The following BTD variants were observed in gnomAD, a reference collection of about 807,000 sequenced individuals.
BTD encodes biocytinase.
BTD carries 13 observed loss-of-function variants against 17.7 expected under a neutral mutation model. The ratio of observed to expected loss-of-function variants is 0.74; its 90% CI spans 0.48 to 1.17. BTD has a LOEUF of 1.17. Ranked by LOEUF, BTD falls within the 50% of genes most tolerant of loss-of-function variation. The pLI is 0.00. For missense variants in BTD, 674 were observed against 650.4 expected (o/e 1.04, Z -0.39); for synonymous variants, 240 against 245.2 (o/e 0.98, Z 0.20).
At chr3:15,718,639 C>T (rs1382225945) in intron 4 of BTD, among the ~76,000 whole-genome samples, 2 of 151,700 alleles carry the variant, frequency 1.3e-5, no homozygotes, top group African/African-American at 2.4e-5. Context: ...GTGCATAAAA[C>T]AGGAAGCCCA....
At chr3:15,665,703 C>T (rs770258490) in intron 3 of BTD, among the ~76,000 whole-genome samples, 2 of 152,186 alleles carry the variant, frequency 1.3e-5, no homozygotes, top group African/African-American at 2.4e-5. Context: ...GGAGGTAGGG[C>T]GTGGCCACGA....
chr3:15,601,842 A>G lies in BTD; in HGVS notation c.-69A>G. 6.2e-7 allele frequency: 1 copy of G among 1,614,140 alleles called. No homozygotes were observed. The highest frequency in any genetic ancestry group is 8.5e-7 in the Non-Finnish European group (1 of 1,180,034). On this transcript the variant is annotated 5_prime_UTR_variant, in exon 1 of 4. Coordinates refer to ENST00000643237, the MANE Select transcript of BTD (RefSeq NM_001370658.1). The stretch of plus-strand genomic sequence containing the variant: ...CCAGCTGGAGCGTTTTCGGGGCTGT[A>G]AAGGGAGAATGGCGCATGCGCATAT...
chr3:15,683,185 A>T (rs914806441), intron 3 of BTD, among the ~76,000 whole-genome samples: 5 of 152,094 alleles, frequency 3.3e-5, no homozygotes, highest in African/African-American at 1.2e-4. Context: ...GTTAATCTTC[A>T]GGGATATATT....
Position 15,644,941 on chromosome 3 carries a change from TA to T in BTD, c.1030del (p.Ile344PhefsTer25). 1 of 1,614,128 alleles carries T rather than the reference TA, an allele frequency of 6.2e-7. No individual in the cohort carries two copies. The highest frequency in any genetic ancestry group is 8.5e-7 in the Non-Finnish European group (1 of 1,180,020). On this transcript the variant is annotated frameshift_variant, in exon 4 of 4. Coordinates refer to ENST00000643237, the MANE Select transcript of BTD (RefSeq NM_001370658.1). LOFTEE classifies it low-confidence loss of function (END_TRUNC). Reference sequence around the variant, plus strand: ...ACGGACCCATCCCATAGTAAGTTTTTAAAAATTTTGTCAGGCGATCCGTACT... The same window carrying T: ...ACGGACCCATCCCATAGTAAGTTTTTAAAATTTTGTCAGGCGATCCGTACT... The part of the protein sequence containing the change: ...GETDPSHSKF[L>X]KILSGDPYCE...
intron 3 of BTD, among the ~76,000 whole-genome samples, chr3:15,664,273 G>A (rs941243441): frequency 6.6e-6 from 1 of 152,146 alleles, no homozygotes; most frequent in African/African-American, 2.4e-5. Flanking sequence ...CAGTTCTACC[G>A]GTTTTTGCCT....
chr3:15,651,823 A>T lies in BTD; in HGVS notation c.*6335A>T, dbSNP rs550194810. 6.6e-6 allele frequency among the ~76,000 whole-genome samples: 1 copy of T among 152,294 alleles called. No homozygotes were observed. Among genetic ancestry groups the T allele is most frequent in the East Asian group, 1.9e-4 (1 of 5,192 alleles). Reference sequence around the variant, plus strand: ...TCCAGAACATTCTGCAAGCTCATGGACCAGTTCATTTGAGAAGAAATAGAG... The same window carrying T: ...TCCAGAACATTCTGCAAGCTCATGGTCCAGTTCATTTGAGAAGAAATAGAG... On this transcript the variant is annotated 3_prime_UTR_variant, in exon 4 of 4. Coordinates refer to ENST00000643237, the MANE Select transcript of BTD (RefSeq NM_001370658.1).
intron 3 of BTD, chr3:15,668,141 G>A (rs1308317934): frequency 6.6e-6 from 1 of 152,198 alleles, no homozygotes; most frequent in Non-Finnish European, 1.5e-5. Context: ...CAACTGAATG[G>A]ACTGCTTGGT....
intron 2 of BTD, among the ~76,000 whole-genome samples, chr3:15,637,890 G>A (rs998156802): frequency 1.3e-5 from 2 of 152,154 alleles, no homozygotes; most frequent in African/African-American, 4.8e-5. Flanking sequence ...CGGTTTTGTT[G>A]AAACCACGCC....
intron 3 of BTD, among the ~76,000 whole-genome samples, chr3:15,664,824 C>G (rs2065961076): frequency 6.6e-6 from 1 of 151,652 alleles, no homozygotes. Flanking sequence ...CACATGGACA[C>G]AAAGAGGGGA....
chr3:15,629,735 GTCATTA>G (rs2065157547), intron 1 of BTD, among the ~76,000 whole-genome samples: 1 of 152,074 alleles, frequency 6.6e-6, no homozygotes, highest in South Asian at 2.1e-4. Flanking sequence ...CTCCGCAGTG[GTCATTA>G]AAGCTTGACC....
chr3:15,676,727 T>A (rs2066978177), intron 3 of BTD: 2 of 333,698 alleles, frequency 6.0e-6, no homozygotes, highest in Admixed American at 4.5e-5. Context: ...GAAAATTAGG[T>A]AGGTGGATTA....
chr3:15,678,926 T>C (rs371895512), intron 3 of BTD, among the ~76,000 whole-genome samples: 1 of 152,206 alleles, frequency 6.6e-6, no homozygotes, highest in Admixed American at 6.5e-5. Flanking sequence ...CTGTAAATTC[T>C]CTCACACCAG....
At chr3:15,720,668 G>A (rs951053301) in intron 4 of BTD, among the ~76,000 whole-genome samples, 1 of 151,950 alleles carries the variant, frequency 6.6e-6, no homozygotes, top group African/African-American at 2.4e-5. Flanking sequence ...AATAATTGTT[G>A]TGATTTTTTT....
intron 3 of BTD, among the ~76,000 whole-genome samples, chr3:15,674,781 A>C (rs545427129): frequency 4.6e-5 from 7 of 152,216 alleles, no homozygotes; most frequent in Non-Finnish European, 1.0e-4. Flanking sequence ...ACCAAGGAAG[A>C]GTGGGGTTCA....
intron 2 of BTD, among the ~76,000 whole-genome samples, chr3:15,636,193 C>A (rs2065342739): frequency 6.6e-6 from 1 of 152,186 alleles, no homozygotes; most frequent in African/African-American, 2.4e-5. Context: ...GGCGTGATGA[C>A]CTCTCTGAGT....
Position 15,693,327 on chromosome 3 carries a change from C to CAGAGAGAG in BTD, c.400-16717_400-16710dup, listed in dbSNP as rs59750718. ...TGACAAAAAAATAGTAATGGGGGGG[C>CAGAGAGAG]AGAGAGAGAGAGAGAGAGAGAGACC... On this transcript the variant is annotated intron_variant, in intron 3 of 3. Transcript: ENST00000672141. Among the ~76,000 whole-genome samples the CAGAGAGAG allele has an allele frequency of 4.0e-3, 592 of 148,466 alleles. 1 individual carries two copies. The highest frequency in any genetic ancestry group is 0.021 in the East Asian group (107 of 5,060).
chr3:15,700,558 G>A (rs773314586), intron 3 of BTD, among the ~76,000 whole-genome samples: 5 of 152,026 alleles, frequency 3.3e-5, no homozygotes, highest in Non-Finnish European at 5.9e-5. Flanking sequence ...GGCAGATCAT[G>A]AGGCCAAGAG....
At position 15,696,375 on chromosome 3, in the gene BTD, C is replaced by T. The variant is rs139631482; in HGVS notation, c.400-13685C>T. 3.3e-3 allele frequency: 1,890 copies of T among 564,456 alleles called. 26 individuals carry two copies. Among genetic ancestry groups the T allele is most frequent in the African/African-American group, 0.031 (1,630 of 52,718 alleles). 35.0% of individuals were successfully genotyped at this position (564,456 alleles called of 1,614,324 possible). On this transcript the variant is annotated intron_variant, in intron 3 of 3. Coordinates refer to the BTD transcript ENST00000672141. ...TAATATAAAAATCATAAATGTATTA[C>T]ACTATAAAAATGTCATTTAAATGAC...
chr3:15,671,953 A>G (rs377027027), intron 3 of BTD, among the ~76,000 whole-genome samples: 148 of 152,156 alleles, frequency 9.7e-4, no homozygotes, highest in African/African-American at 3.5e-3. Flanking sequence ...CATATCTGGC[A>G]TTTTTGTGTA....
Sources: gnomAD v4.1 joint callset for allele counts (sites outside exome capture counted in the v4.1 genomes callset) on GRCh38, gnomAD v4.1.1 for gene constraint, MANE v1.5 for transcripts, NCBI Gene and HGNC (gene_info 2026-07-23, HGNC 2026-07-21) for gene names.